Variants in GPRIN3 observed in about 807,000 individuals in gnomAD.
GPRIN3 encodes the protein GPRIN family member 3, also known as G protein-regulated inducer of neurite outgrowth 3.
In GPRIN3, 12 loss-of-function variants were observed where a neutral mutation model predicts 13.7. That is an observed-to-expected ratio of 0.87 (90% confidence interval 0.56 to 1.42). GPRIN3 has a LOEUF of 1.42. Ranked by LOEUF, GPRIN3 falls within the 40% of genes most tolerant of loss-of-function variation. The probability of loss-of-function intolerance (pLI) is 0.00; values close to 1 mark genes in which losing one functional copy is unlikely to be tolerated. For synonymous variants in GPRIN3, 377 were observed against 372.7 expected (o/e 1.01, Z -0.13); for missense variants, 1,009 against 958.7 (o/e 1.05, Z -0.69).
At chr4:89,279,746 C>T (rs1376553510) in intron 1 of GPRIN3, among the ~76,000 whole-genome samples, 1 of 152,214 alleles carries the variant, frequency 6.6e-6, no homozygotes, top group African/African-American at 2.4e-5. Context: ...CTTGGTTTTC[C>T]TCTTTTCTCT....
chr4:89,277,992 A>G (rs578179138), intron 1 of GPRIN3, among the ~76,000 whole-genome samples: 17 of 152,200 alleles, frequency 1.1e-4, no homozygotes, highest in African/African-American at 4.1e-4. Context: ...ATCTCTCCCA[A>G]TCCCACAGCT....
intron 1 of GPRIN3, among the ~76,000 whole-genome samples, chr4:89,251,505 G>A (rs978107728): frequency 1.3e-5 from 2 of 152,294 alleles, no homozygotes; most frequent in East Asian, 1.9e-4. Context: ...ATATGGGGAT[G>A]TTTCCTGAAG....
intron 1 of GPRIN3, among the ~76,000 whole-genome samples, chr4:89,261,971 A>T (rs943571772): frequency 4.0e-5 from 6 of 151,510 alleles, no homozygotes; most frequent in African/African-American, 1.5e-4. Context: ...CACACACACA[A>T]ATTAGCCTGG....
chr4:89,290,309 G>A (rs1724537639), intron 1 of GPRIN3, among the ~76,000 whole-genome samples: 1 of 152,012 alleles, frequency 6.6e-6, no homozygotes, highest in Non-Finnish European at 1.5e-5. Context: ...GCATTTGCCT[G>A]CATTCCTCTG....
intron 1 of GPRIN3, among the ~76,000 whole-genome samples, chr4:89,257,826 C>T (rs1578080780): frequency 6.6e-6 from 1 of 152,014 alleles, no homozygotes; most frequent in Non-Finnish European, 1.5e-5. Context: ...TATTACTAAC[C>T]GAAGCTAATA....
At chr4:89,269,186 G>A (rs1007520544) in intron 1 of GPRIN3, among the ~76,000 whole-genome samples, 3 of 152,122 alleles carry the variant, frequency 2.0e-5, no homozygotes, top group Non-Finnish European at 4.4e-5. Context: ...TACAAATAAT[G>A]TTTTTCATAG....
chr4:89,277,180 G>A (rs1403712205), intron 1 of GPRIN3, among the ~76,000 whole-genome samples: 1 of 152,082 alleles, frequency 6.6e-6, no homozygotes, highest in Non-Finnish European at 1.5e-5. Context: ...GGTCATGGCT[G>A]GCTTCTCAAA....
At chr4:89,299,391 G>A (rs1165051076) in intron 1 of GPRIN3, among the ~76,000 whole-genome samples, 1 of 152,166 alleles carries the variant, frequency 6.6e-6, no homozygotes, top group African/African-American at 2.4e-5. Context: ...TATGCAGCAA[G>A]TGTGCATGAG....
intron 1 of GPRIN3, among the ~76,000 whole-genome samples, chr4:89,303,801 A>G (rs1240717875): frequency 6.7e-6 from 1 of 149,590 alleles, no homozygotes; most frequent in Admixed American, 6.7e-5. Flanking sequence ...ATATGTGTAT[A>G]TATAAAAAAT....
chr4:89,280,527 A>G (rs772636962), intron 1 of GPRIN3, among the ~76,000 whole-genome samples: 9 of 152,156 alleles, frequency 5.9e-5, no homozygotes, highest in Admixed American at 2.0e-4. Context: ...TTGCTCAAAT[A>G]TGTCATGGCC....
Position 89,250,083 on chromosome 4 carries a change from A to C in GPRIN3, c.28T>G (p.Ser10Ala). Reference sequence around the variant, plus strand: ...GCTGCAATCAGGGAAGTTTTAGCTGATCTCAGAGGGTCAGGTACAGTCCCC... The same window carrying C: ...GCTGCAATCAGGGAAGTTTTAGCTGCTCTCAGAGGGTCAGGTACAGTCCCC... MGTVPDPLR[S>A]AKTSLIAASG... is the part of the protein sequence containing the mutation. The change falls in exon 2 of 2, where the codon TCA (serine) becomes GCA (alanine). Residue 10 changes from serine to alanine, a missense_variant. By Grantham distance (99) the Ser-to-Ala change is moderately conservative. Coordinates refer to ENST00000609438, the MANE Select transcript of GPRIN3 (RefSeq NM_198281.3). The C allele has an allele frequency of 3.1e-6, 5 of 1,613,756 alleles. No individual in the cohort carries two copies. Among genetic ancestry groups the C allele is most frequent in the Non-Finnish European group, 4.2e-6 (5 of 1,179,822 alleles).
At chr4:89,270,646 C>T (rs1437966894) in intron 1 of GPRIN3, among the ~76,000 whole-genome samples, 11 of 141,402 alleles carry the variant, frequency 7.8e-5, no homozygotes. Flanking sequence ...CTCAAGCGAT[C>T]CTCCCACCTC....
chr4:89,271,524 T>C (rs1366764264), intron 1 of GPRIN3, among the ~76,000 whole-genome samples: 2 of 152,214 alleles, frequency 1.3e-5, no homozygotes, highest in Non-Finnish European at 2.9e-5. Flanking sequence ...TAATACCAAA[T>C]ACAATGTAAA....
chr4:89,278,074 C>T (rs1416942727), intron 1 of GPRIN3, among the ~76,000 whole-genome samples: 1 of 152,112 alleles, frequency 6.6e-6, no homozygotes, highest in African/African-American at 2.4e-5. Flanking sequence ...AACTCAGTGT[C>T]AGACAGAAGT....
intron 1 of GPRIN3, among the ~76,000 whole-genome samples, chr4:89,279,449 C>G (rs1445120544): frequency 6.6e-6 from 1 of 152,146 alleles, no homozygotes; most frequent in Non-Finnish European, 1.5e-5. Context: ...GCCCATGTAG[C>G]TACTGACTTA....
chr4:89,265,421 A>G (rs898506302), intron 1 of GPRIN3, among the ~76,000 whole-genome samples: 4 of 152,144 alleles, frequency 2.6e-5, no homozygotes, highest in Non-Finnish European at 4.4e-5. Context: ...AATACTTTGG[A>G]AAAAATGTAA....
chr4:89,261,956 A>G (rs1723640949), intron 1 of GPRIN3, among the ~76,000 whole-genome samples: 1 of 150,912 alleles, frequency 6.6e-6, no homozygotes. Context: ...TACTAAAAAT[A>G]CACACACACA....
Position 89,247,811 on chromosome 4 carries a change from A to G in GPRIN3, c.2300T>C (p.Val767Ala), listed in dbSNP as rs1395586172. ...LQNFRRPNCC[V>A]RPAPSSVLD ...TAACACAGAAGACGGGGCAGGACGG[A>G]CGCAGCAGTTGGGGCGTCGGAAGTT... Residue 767 changes from valine to alanine, a missense_variant, in exon 2 of 2, where the codon GTC becomes GCC. Transcript: ENST00000609438. 6.2e-7 allele frequency: 1 copy of G among 1,613,620 alleles called. No homozygotes were observed. Among genetic ancestry groups the G allele is most frequent in the East Asian group, 2.2e-5 (1 of 44,846 alleles).
At chr4:89,285,834 A>G (rs1724391270) in intron 1 of GPRIN3, among the ~76,000 whole-genome samples, 1 of 152,198 alleles carries the variant, frequency 6.6e-6, no homozygotes, top group African/African-American at 2.4e-5. Context: ...ATGGATAAGT[A>G]GCTTGTTAGA....
Sources: gnomAD v4.1 joint callset for allele counts (sites outside exome capture counted in the v4.1 genomes callset) on GRCh38, gnomAD v4.1.1 for gene constraint, MANE v1.5 for transcripts, NCBI Gene and HGNC (gene_info 2026-07-23, HGNC 2026-07-21) for gene names.